The following CACNA1C variants were observed in gnomAD, a reference collection of about 807,000 sequenced individuals.
CACNA1C encodes the protein calcium voltage-gated channel subunit alpha1 C.
In CACNA1C, 30 loss-of-function variants were observed where a neutral mutation model predicts 229.0. That is an observed-to-expected ratio of 0.13 (90% CI 0.10 to 0.18). CACNA1C has a LOEUF of 0.18. Among genes scored for constraint, CACNA1C ranks in the 10% least tolerant of loss-of-function variants. CACNA1C has a pLI of 1.00. For synonymous variants in CACNA1C, 1,114 were observed against 1,132.5 expected, an observed-to-expected ratio of 0.98 and a Z score of 0.33; for missense variants, 1,658 against 2,845.0, an observed-to-expected ratio of 0.58 and a Z score of 9.49.
At chr12:2,244,297 CA>C (rs1325821396) in intron 3 of CACNA1C, among the ~76,000 whole-genome samples, 1 of 152,216 alleles carries the variant, frequency 6.6e-6, no homozygotes, top group Non-Finnish European at 1.5e-5. Flanking sequence ...TGCTCATTAC[CA>C]CTAGCCCAGG....
chr12:2,004,136 C>T (rs1342784567), intron 1 of CACNA1C: 2 of 1,204,404 alleles, frequency 1.7e-6, no homozygotes, highest in Admixed American at 4.5e-5. Flanking sequence ...ACCCCATCTC[C>T]ACAACTTCGG....
intron 9 of CACNA1C, among the ~76,000 whole-genome samples, chr12:2,533,776 G>C (rs1362907957): frequency 6.6e-6 from 1 of 152,172 alleles, no homozygotes; most frequent in Non-Finnish European, 1.5e-5. Context: ...GCTGGAGAAG[G>C]CCTGCGTCCC....
In CACNA1C at chr12:2,152,850, G is replaced by A. The variant is rs2095356480; in HGVS notation, c.477+32420G>A. On this transcript the variant is annotated intron_variant, in intron 3 of 46. Transcript: ENST00000399655. The surrounding 1 kb of genome is among the most constrained non-coding windows in gnomAD (Gnocchi z 4.2). ...ACCCACAGGACTGGTGTGCCCGGTA[G>A]GAAAGATTGGTAGGTCCCACTGGTC... Among the ~76,000 whole-genome samples the A allele has an allele frequency of 6.6e-6, 1 of 152,164 alleles. No homozygotes were observed. Among genetic ancestry groups the A allele is most frequent in the African/African-American group, 2.4e-5 (1 of 41,428 alleles).
At chr12:2,016,974 C>T (rs2045499134) in intron 1 of CACNA1C, among the ~76,000 whole-genome samples, 2 of 152,188 alleles carry the variant, frequency 1.3e-5, no homozygotes, top group Non-Finnish European at 2.9e-5. Context: ...ATATAGCCAA[C>T]TCTGGAAAAA....
intron 3 of CACNA1C, among the ~76,000 whole-genome samples, chr12:2,423,970 C>T (rs2099003682): frequency 1.3e-5 from 2 of 152,116 alleles, no homozygotes; most frequent in African/African-American, 4.8e-5. Context: ...AATGGACAAG[C>T]TCGTGCTCCC....
At chr12:2,457,783 ACT>A in intron 5 of CACNA1C, 77 bp downstream of exon 5, 2 of 1,292,554 alleles carry the variant, frequency 1.5e-6, no homozygotes, top group Non-Finnish European at 1.0e-6. Flanking sequence ...TGCCAAGAAC[ACT>A]CTGCAAAGGG....
At chr12:2,448,929 C>G in intron 3 of CACNA1C, 47 bp from the exon 4 acceptor site, 1 of 1,541,562 alleles carries the variant, frequency 6.5e-7, no homozygotes, top group Non-Finnish European at 8.9e-7. Context: ...TTCCAAATCC[C>G]CAAACCAATG....
At chr12:2,600,977 G>A (rs2071803396) in intron 21 of CACNA1C, among the ~76,000 whole-genome samples, 1 of 152,192 alleles carries the variant, frequency 6.6e-6, no homozygotes, top group Non-Finnish European at 1.5e-5. Context: ...TGAGGAAACA[G>A]AGGCACTAAG....
chr12:2,309,825 A>G lies in CACNA1C; in HGVS notation c.478-139151A>G, dbSNP rs146335731. On this transcript the variant is annotated intron_variant, in intron 3 of 46. Coordinates refer to ENST00000399655, the MANE Select transcript of CACNA1C (RefSeq NM_000719.7). The stretch of plus-strand genomic sequence containing the variant: ...GGCGACTTACAGTCCAGGAGGGAAG[A>G]AATGAGGAAGTGGAGCAGCGAAACA... 2.2e-3 allele frequency among the ~76,000 whole-genome samples: 329 copies of G among 152,356 alleles called. 1 individual carries two copies. The highest frequency in any genetic ancestry group is 7.7e-3 in the African/African-American group (319 of 41,580).
At chr12:2,673,512 G>A (rs990039238) in intron 38 of CACNA1C, among the ~76,000 whole-genome samples, 1 of 151,590 alleles carries the variant, frequency 6.6e-6, no homozygotes, top group Non-Finnish European at 1.5e-5. Flanking sequence ...TCATGGTTTT[G>A]CAGGTCAGAA....
At chr12:2,644,494 T>C (rs1301378852) in intron 30 of CACNA1C, among the ~76,000 whole-genome samples, 1 of 152,226 alleles carries the variant, frequency 6.6e-6, no homozygotes, top group East Asian at 1.9e-4. Context: ...AAAACTTTTT[T>C]TCGTATGGTG....
chr12:2,191,525 C>T (rs1334720780), intron 3 of CACNA1C, among the ~76,000 whole-genome samples: 1 of 152,158 alleles, frequency 6.6e-6, no homozygotes, highest in East Asian at 1.9e-4. Context: ...CACACACATA[C>T]ACTCACACAT....
chr12:2,695,576 G>A lies in CACNA1C; in HGVS notation c.*4377G>A, dbSNP rs1442597932. 1 of 152,224 alleles carries A rather than the reference G, an allele frequency of 6.6e-6. No homozygotes were observed. Among genetic ancestry groups the A allele is most frequent in the Non-Finnish European group, 1.5e-5 (1 of 68,084 alleles). 9.4% of individuals were successfully genotyped at this position (152,224 alleles called of 1,614,324 possible). The stretch of plus-strand genomic sequence containing the variant: ...AGGAGGTTGAGGGGGAAGACAGGAG[G>A]GAAAGAAAAGTCCTACAACTGTCAG... On this transcript the variant is annotated 3_prime_UTR_variant, in exon 47 of 47. Transcript: ENST00000399655.
At chr12:2,556,918 A>C in intron 10 of CACNA1C, 33 bp from the exon 11 acceptor site, 2 of 1,600,474 alleles carry the variant, frequency 1.2e-6, no homozygotes, top group Non-Finnish European at 1.7e-6. Context: ...GTGTGTGTCC[A>C]TCCTTTGGTA....
intron 3 of CACNA1C, among the ~76,000 whole-genome samples, chr12:2,329,061 C>T (rs1171853978): frequency 8.5e-5 from 13 of 152,202 alleles, no homozygotes; most frequent in African/African-American, 4.8e-5. Flanking sequence ...GTGGATGCCT[C>T]CTGGTTTTGT....
intron 28 of CACNA1C, among the ~76,000 whole-genome samples, chr12:2,611,320 G>A (rs1241627028): frequency 5.0e-5 from 7 of 141,094 alleles, no homozygotes; most frequent in Non-Finnish European, 9.2e-5. Context: ...GATGGAGAAC[G>A]GAGGGATGAG....
intron 9 of CACNA1C, among the ~76,000 whole-genome samples, chr12:2,527,363 C>T (rs2099820155): frequency 6.6e-6 from 1 of 152,204 alleles, no homozygotes; most frequent in Non-Finnish European, 1.5e-5. Flanking sequence ...GATCTACTCT[C>T]AACAACTTAC....
At chr12:2,392,831 T>C (rs1381444536) in intron 3 of CACNA1C, among the ~76,000 whole-genome samples, 2 of 152,098 alleles carry the variant, frequency 1.3e-5, no homozygotes, top group Non-Finnish European at 2.9e-5. Flanking sequence ...CCATCGCACA[T>C]GGATGTGTTC....
chr12:1,981,580 C>A (rs1228341604), intron 1 of CACNA1C, among the ~76,000 whole-genome samples: 1 of 152,160 alleles, frequency 6.6e-6, no homozygotes, highest in Non-Finnish European at 1.5e-5. Context: ...TATATGTTTA[C>A]ATGTCTGTCT....
Sources: allele counts gnomAD v4.1 joint callset (sites outside exome capture counted in the v4.1 genomes callset), GRCh38; gene constraint gnomAD v4.1.1; non-coding constraint Gnocchi (gnomAD v3.1); transcripts MANE v1.5; gene names NCBI Gene and HGNC (gene_info 2026-07-23, HGNC 2026-07-21).